The following CYFIP1 variants were observed in gnomAD, a reference collection of about 807,000 sequenced individuals.
The protein encoded by CYFIP1 is cytoplasmic FMR1 interacting protein 1, also known as cytoplasmic FMR1-interacting protein 1.
A neutral mutation model predicts 163.5 loss-of-function variants in CYFIP1; 58 were observed. That is an observed-to-expected ratio of 0.35 (90% CI 0.29 to 0.44). CYFIP1 has a LOEUF of 0.44. Ranked by LOEUF, CYFIP1 falls within the 20% of genes least tolerant of loss-of-function variation. CYFIP1 has a pLI of 1.00. For synonymous variants in CYFIP1, 663 were observed against 660.7 expected, an observed-to-expected ratio of 1.00 and a Z score of -0.05; for missense variants, 1,338 against 1,653.8, an observed-to-expected ratio of 0.81 and a Z score of 3.31.
chr15:22,921,539 G>C (rs1410741911), intron 13 of CYFIP1, among the ~76,000 whole-genome samples: 1 of 151,914 alleles, frequency 6.6e-6, no homozygotes, highest in Non-Finnish European at 1.5e-5. Flanking sequence ...AAGCAGGCCA[G>C]GCACAGTAGC....
Position 22,870,118 on chromosome 15 carries a change from C to T in CYFIP1, c.3672G>A (p.Lys1224=), listed in dbSNP as rs770131173. 67 of 1,613,062 alleles carry T rather than the reference C, an allele frequency of 4.2e-5. No individual in the cohort carries two copies. Among genetic ancestry groups the T allele is most frequent in the Non-Finnish European group, 5.2e-5 (61 of 1,179,666 alleles). ...CCTCCCCGTCGCCTGACTTCAGGTA[C>T]TTATCCAGGATGGTGATGATCTCAT... ...LNDEIITILD[K]YLKSGDGEGT... Residue 1224 remains lysine (K), a synonymous_variant, in exon 31 of 31, where the codon AAG becomes AAA. Transcript: ENST00000617928.
intron 28 of CYFIP1, among the ~76,000 whole-genome samples, 173 bp from the exon 29 acceptor site, chr15:22,873,902 T>G (rs973426695): frequency 2.0e-5 from 3 of 152,178 alleles, no homozygotes; most frequent in African/African-American, 7.2e-5. Context: ...AGCGACCAGG[T>G]GCATGCCACC....
chr15:22,895,759 G>A (rs1012059912), intron 22 of CYFIP1, among the ~76,000 whole-genome samples: 3 of 152,154 alleles, frequency 2.0e-5, no homozygotes, highest in African/African-American at 7.2e-5. Context: ...GCTCAGCTAC[G>A]TGGCCAGTGA....
chr15:22,916,965 G>T, intron 15 of CYFIP1: 1 of 1,551,720 alleles, frequency 6.4e-7, no homozygotes, highest in Non-Finnish European at 8.7e-7. Flanking sequence ...CATGCCCAGA[G>T]ACTTGAGCTG....
chr15:22,868,017 GAA>G lies in CYFIP1; in HGVS notation c.*2009_*2010del, dbSNP rs907428243. On this transcript the variant is annotated 3_prime_UTR_variant, in exon 31 of 31. Transcript: ENST00000617928. ...TTAATTTCCACCTAGGTGATGGGAA[GAA>G]AGTGTTCGCCTGTTCCAGCCTGTGG... is the stretch of plus-strand genomic sequence containing the variant. The G allele has an allele frequency of 4.6e-5, 7 of 152,254 alleles. No individual in the cohort carries two copies. The highest frequency in any genetic ancestry group is 1.7e-4 in the African/African-American group (7 of 41,470). 9.4% of individuals were successfully genotyped at this position (152,254 alleles called of 1,614,324 possible).
At chr15:22,979,703 A>G in intron 1 of CYFIP1, among the ~76,000 whole-genome samples, 1 of 152,332 alleles carries the variant, frequency 6.6e-6, no homozygotes, top group Non-Finnish European at 1.5e-5. Flanking sequence ...TGTGCGAAAC[A>G]GTGCTGCCTC....
chr15:22,951,148 C>T (rs2062236174), intron 1 of CYFIP1, among the ~76,000 whole-genome samples: 1 of 152,104 alleles, frequency 6.6e-6, no homozygotes, highest in Non-Finnish European at 1.5e-5. Flanking sequence ...CGGCTGGAGA[C>T]GCCACCCATT....
At position 22,868,438 on chromosome 15, in the gene CYFIP1, A is replaced by T. The variant is rs1232327259; in HGVS notation, c.*1590T>A. 1 of 152,194 alleles carries T rather than the reference A, an allele frequency of 6.6e-6. No homozygotes were observed. The highest frequency in any genetic ancestry group is 1.9e-4 in the East Asian group (1 of 5,194). The allele number at this position is 152,194 out of a possible 1,614,324, so 9.4% of individuals were successfully genotyped here. On this transcript the variant is annotated 3_prime_UTR_variant, in exon 31 of 31. Coordinates refer to ENST00000617928, the MANE Select transcript of CYFIP1 (RefSeq NM_014608.6). ...CTAAGGTATTACATATTTGGTATAT[A>T]ATTAAGCCTTATAAAACTTGGTAAT... is the stretch of plus-strand genomic sequence containing the variant.
chr15:22,922,618 T>C (rs1224606520), intron 13 of CYFIP1, among the ~76,000 whole-genome samples: 2 of 152,196 alleles, frequency 1.3e-5, no homozygotes, highest in Non-Finnish European at 2.9e-5. Flanking sequence ...TCACACAACC[T>C]TGTCAAACGC....
chr15:22,944,600 C>G lies in CYFIP1; in HGVS notation c.345G>C (p.Leu115=), dbSNP rs745452225. The G allele has an allele frequency of 6.2e-7, 1 of 1,613,800 alleles. No homozygotes were observed. Among genetic ancestry groups the G allele is most frequent in the Non-Finnish European group, 8.5e-7 (1 of 1,179,822 alleles). Residue 115 remains leucine, a synonymous_variant, in exon 5 of 31, where the codon CTG becomes CTC. Coordinates refer to ENST00000617928, the MANE Select transcript of CYFIP1 (RefSeq NM_014608.6). ...VEIYEKTVEV[L]EPEVTKLMNF... is the part of the protein sequence containing the mutation. ...TCATCAGTTTTGTGACCTCAGGCTC[C>G]AGAACCTCCACGGTTTTCTCGTAGA...
intron 15 of CYFIP1, chr15:22,916,879 TACC>T (rs772097689): frequency 6.4e-6 from 10 of 1,551,912 alleles, no homozygotes; most frequent in Non-Finnish European, 7.8e-6. Context: ...AATGATGTCT[TACC>T]ACCAAAGGTT....
chr15:22,944,794 C>A (rs938405039), intron 4 of CYFIP1, 68 bp downstream of exon 4: 1 of 1,556,380 alleles, frequency 6.4e-7, no homozygotes, highest in African/African-American at 1.4e-5. Context: ...ATGGCAGGGG[C>A]AGGGGTGTGG....
At chr15:22,927,050 G>A (rs2061377420) in intron 12 of CYFIP1, among the ~76,000 whole-genome samples, 1 of 152,016 alleles carries the variant, frequency 6.6e-6, no homozygotes, top group African/African-American at 2.4e-5. Flanking sequence ...GAAAAAATGA[G>A]ACTTGGCCAG....
chr15:22,966,066 A>G (rs1394328993), intron 1 of CYFIP1, among the ~76,000 whole-genome samples: 1 of 152,042 alleles, frequency 6.6e-6, no homozygotes, highest in Non-Finnish European at 1.5e-5. Flanking sequence ...CAAGGAGATT[A>G]GGTCGGGTGC....
chr15:22,900,059 T>A (rs1019169462), intron 22 of CYFIP1, among the ~76,000 whole-genome samples: 14 of 152,064 alleles, frequency 9.2e-5, no homozygotes, highest in Non-Finnish European at 2.9e-5. Context: ...ATATGTTCAA[T>A]CCTCACTCCT....
At chr15:22,878,971 C>T (rs1595497983) in intron 26 of CYFIP1, among the ~76,000 whole-genome samples, 1 of 152,112 alleles carries the variant, frequency 6.6e-6, no homozygotes, top group South Asian at 2.1e-4. Flanking sequence ...CCCGTCTCTA[C>T]TAAAAATACA....
chr15:22,944,792 G>T (rs1440183252), intron 4 of CYFIP1, 70 bp downstream of exon 4: 3 of 1,551,690 alleles, frequency 1.9e-6, no homozygotes, highest in Non-Finnish European at 2.7e-6. Context: ...GCATGGCAGG[G>T]GCAGGGGTGT....
chr15:22,867,284 C>G lies in CYFIP1; in HGVS notation c.*2744G>C. ...ATACATTATCCTGTGATTTACCTTA[C>G]CTACAAAAGTGGCTCCTGTTTGTTT... On this transcript the variant is annotated 3_prime_UTR_variant, in exon 31 of 31. Coordinates refer to ENST00000617928, the MANE Select transcript of CYFIP1 (RefSeq NM_014608.6). The G allele has an allele frequency of 2.5e-6, 1 of 398,560 alleles. No homozygotes were observed. The highest frequency in any genetic ancestry group is 4.4e-5 in the Admixed American group (1 of 22,742). 24.7% of individuals were successfully genotyped at this position (398,560 alleles called of 1,614,324 possible).
At chr15:22,951,652 G>T (rs901780870) in intron 1 of CYFIP1, 4 of 927,484 alleles carry the variant, frequency 4.3e-6, no homozygotes, top group South Asian at 1.5e-5. Flanking sequence ...GGGTCAACAA[G>T]AAGACAGGTC....
Sources: gnomAD v4.1 joint callset for allele counts (sites outside exome capture counted in the v4.1 genomes callset) on GRCh38, gnomAD v4.1.1 for gene constraint, MANE v1.5 for transcripts, NCBI Gene and HGNC (gene_info 2026-07-23, HGNC 2026-07-21) for gene names.